The following SMARCD3 variants were observed in gnomAD, a reference collection of about 807,000 sequenced individuals.
The protein encoded by SMARCD3 is SWI/SNF-related matrix-associated actin-dependent regulator of chromatin subfamily D member 3.
A neutral mutation model predicts 58.0 loss-of-function variants in SMARCD3; 14 were observed. The ratio of observed to expected loss-of-function variants is 0.24; its 90% CI spans 0.16 to 0.38. The LOEUF is 0.38. SMARCD3 is among the 10% of genes least tolerant of loss of function. SMARCD3 has a pLI of 1.00. For synonymous variants in SMARCD3, 253 were observed against 253.8 expected, an observed-to-expected ratio of 1.00 and a Z score of 0.03; for missense variants, 408 against 636.9, an observed-to-expected ratio of 0.64 and a Z score of 3.87.
At chr7:151,259,400 T>G (rs372643448) in intron 2 of SMARCD3, among the ~76,000 whole-genome samples, 1 of 143,136 alleles carries the variant, frequency 7.0e-6, no homozygotes, top group African/African-American at 2.8e-5. Flanking sequence ...GGGCTGTGTG[T>G]GTGTGTGTGT....
At chr7:151,265,090 C>G (rs1804040982) in intron 2 of SMARCD3, among the ~76,000 whole-genome samples, 1 of 152,196 alleles carries the variant, frequency 6.6e-6, no homozygotes, top group Non-Finnish European at 1.5e-5. Flanking sequence ...CTGTCAGAGT[C>G]CCCCTGCTAT....
rs923670174 is a variant in SMARCD3 at position 151,241,203 on chromosome 7, C to G, written c.939+289G>C. 2 of 438,826 alleles carry G rather than the reference C, an allele frequency of 4.6e-6. No homozygotes were observed. The highest frequency in any genetic ancestry group is 8.5e-6 in the Non-Finnish European group (2 of 234,592). The allele number at this position is 438,826 out of a possible 1,614,324, so 27.2% of individuals were successfully genotyped here. On this transcript the variant is annotated intron_variant, in intron 8 of 12. Coordinates refer to ENST00000262188, the MANE Select transcript of SMARCD3 (RefSeq NM_001003801.2). The surrounding 1 kb of genome is among the most constrained non-coding windows in gnomAD (Gnocchi z 5.3). Reference sequence around the variant, plus strand: ...CAGGACTAGAACCTGGGGATCCTAACTCCAAGTGCCAAGAATATTACATTC... The same window carrying G: ...CAGGACTAGAACCTGGGGATCCTAAGTCCAAGTGCCAAGAATATTACATTC...
chr7:151,247,504 C>T (rs1803324902), intron 1 of SMARCD3, among the ~76,000 whole-genome samples: 2 of 152,138 alleles, frequency 1.3e-5, no homozygotes, highest in South Asian at 4.1e-4. Flanking sequence ...CCCCAGAGAG[C>T]TGTGCCCGCC....
rs752640287 is a variant in SMARCD3, at chr7:151,239,176, A to C, written c.1399-20T>G. The C allele has an allele frequency of 1.1e-5, 17 of 1,613,670 alleles. No homozygotes were observed. In the South Asian group the frequency reaches 1.9e-4, roughly 18 times the overall value. On this transcript the variant is annotated intron_variant, in intron 12 of 12. Coordinates refer to ENST00000262188, the MANE Select transcript of SMARCD3 (RefSeq NM_001003801.2). The surrounding 1 kb of genome is among the most constrained non-coding windows in gnomAD (Gnocchi z 7.0). ...CTGGATCTTTAGAGGAAGTGAGAAC[A>C]GGAGCAGGTGTCAGTGTTCTGGTGA...
At chr7:151,263,243 C>G (rs967768448) in intron 2 of SMARCD3, among the ~76,000 whole-genome samples, 27 of 151,944 alleles carry the variant, frequency 1.8e-4, no homozygotes, top group Non-Finnish European at 4.4e-5. Context: ...CCAGACACTC[C>G]TGCTAAATGT....
At chr7:151,257,012 T>G (rs186410147) in intron 2 of SMARCD3, among the ~76,000 whole-genome samples, 2 of 152,286 alleles carry the variant, frequency 1.3e-5, no homozygotes. Flanking sequence ...CATGCACAAG[T>G]ACTGTTACAT....
At chr7:151,252,390 A>T (rs1447903242), upstream of SMARCD3, among the ~76,000 whole-genome samples, 1 of 151,932 alleles carries the variant, frequency 6.6e-6, no homozygotes, top group African/African-American at 2.4e-5. Context: ...TTAGGAGAAT[A>T]CGATCACCCT....
chr7:151,239,464 C>T lies in SMARCD3; in HGVS notation c.1330G>A (p.Glu444Lys). ...TGGTGGTAGAACTCAGCCCGGCGCT[C>T]CTCTTCAGGGTTGCCGGCTACATCT... Reference protein sequence around the residue: ...MTDVAGNPEEERRAEFYHQPW... With the variant: ...MTDVAGNPEEKRRAEFYHQPW... Residue 444 changes from glutamate to lysine, a missense_variant, in exon 12 of 13, where the codon GAG becomes AAG. Glu to Lys is a moderately conservative substitution (Grantham distance 56, BLOSUM62 1). Coordinates refer to ENST00000262188, the MANE Select transcript of SMARCD3 (RefSeq NM_001003801.2). This position sits in a 1 kb window ranked among gnomAD's most constrained non-coding sequence, Gnocchi z 7.0. 2 of 1,613,852 alleles carry T rather than the reference C, an allele frequency of 1.2e-6. No homozygotes were observed. Among genetic ancestry groups the T allele is most frequent in the Non-Finnish European group, 1.7e-6 (2 of 1,179,976 alleles).
chr7:151,265,992 C>T lies in SMARCD3; in HGVS notation c.39+9122G>A, dbSNP rs559557530. Among the ~76,000 whole-genome samples, 16 of 152,144 alleles carry T rather than the reference C, an allele frequency of 1.1e-4. 1 individual carries two copies. Among genetic ancestry groups the T allele is most frequent in the African/African-American group, 3.1e-4 (13 of 41,512 alleles). ...TTTTCTTTTCTTTCTTTCTTTGATA[C>T]GGAGTCTCACTCTGTTGCCCAGGCT... On this transcript the variant is annotated intron_variant, in intron 2 of 13. Coordinates refer to the SMARCD3 transcript ENST00000356800.
At chr7:151,266,281 T>C (rs566699293) in intron 2 of SMARCD3, among the ~76,000 whole-genome samples, 1 of 152,088 alleles carries the variant, frequency 6.6e-6, no homozygotes, top group Admixed American at 6.5e-5. Flanking sequence ...TTTTTTTTTT[T>C]CTACTCTACG....
At chr7:151,252,356 A>C (rs773327810), upstream of SMARCD3, among the ~76,000 whole-genome samples, 2 of 152,022 alleles carry the variant, frequency 1.3e-5, no homozygotes, top group Non-Finnish European at 2.9e-5. Context: ...CCTTTTCCCT[A>C]CACCCCCAGC....
Position 151,239,218 on chromosome 7 carries a change from C to T in SMARCD3, c.1399-62G>A, listed in dbSNP as rs1584859752. The stretch of plus-strand genomic sequence containing the variant: ...TTCTGGTGAGTGATCAGGACAATCC[C>T]ACCTACTGACACCGCCTGCCCTGAA... On this transcript the variant is annotated intron_variant, in intron 12 of 12. Transcript: ENST00000262188. The surrounding 1 kb of genome is among the most constrained non-coding windows in gnomAD (Gnocchi z 7.0). The T allele has an allele frequency of 1.3e-6, 2 of 1,530,598 alleles. No individual in the cohort carries two copies. The highest frequency in any genetic ancestry group is 2.7e-5 in the African/African-American group (2 of 73,246). The allele number at this position is 1,530,598 out of a possible 1,614,324, so 94.8% of individuals were successfully genotyped here.
At chr7:151,252,522 C>T (rs1164104182), upstream of SMARCD3, among the ~76,000 whole-genome samples, 1 of 152,022 alleles carries the variant, frequency 6.6e-6, no homozygotes, top group Non-Finnish European at 1.5e-5. Context: ...GACCACTTGG[C>T]GCTGTGAGGA....
intron 2 of SMARCD3, among the ~76,000 whole-genome samples, chr7:151,273,607 G>A (rs1795245500): frequency 6.6e-6 from 1 of 152,220 alleles, no homozygotes; most frequent in Non-Finnish European, 1.5e-5. Context: ...CACAAACTGA[G>A]CAACCAGTCC....
In SMARCD3 at chr7:151,241,398, G is replaced by T; in HGVS notation, c.939+94C>A. 9.4e-7 allele frequency: 1 copy of T among 1,066,418 alleles called. No homozygotes were observed. The highest frequency in any genetic ancestry group is 1.4e-6 in the Non-Finnish European group (1 of 704,896). The allele number at this position is 1,066,418 out of a possible 1,614,324, so 66.1% of individuals were successfully genotyped here. On this transcript the variant is annotated intron_variant, in intron 8 of 12. Coordinates refer to ENST00000262188, the MANE Select transcript of SMARCD3 (RefSeq NM_001003801.2). This position sits in a 1 kb window ranked among gnomAD's most constrained non-coding sequence, Gnocchi z 5.3. ...ACTGCTTCTGCTACTCAGGAATCTA[G>T]AAGGGAGGGGTGGTAGTTACCTTGG...
intron 2 of SMARCD3, among the ~76,000 whole-genome samples, chr7:151,261,291 G>A (rs891331231): frequency 6.6e-6 from 1 of 152,166 alleles, no homozygotes; most frequent in African/African-American, 2.4e-5. Context: ...GAGCATCCTT[G>A]GCCTCTATCC....
chr7:151,247,292 T>C, intron 1 of SMARCD3, among the ~76,000 whole-genome samples: 1 of 145,440 alleles, frequency 6.9e-6, no homozygotes, highest in Non-Finnish European at 1.5e-5. Flanking sequence ...TTAAAGGGGC[T>C]CCCACCAGCA....
At chr7:151,240,578 C>T (rs1254660573) in intron 8 of SMARCD3, 56 bp from the exon 9 acceptor site, 10 of 1,274,394 alleles carry the variant, frequency 7.8e-6, no homozygotes, top group Non-Finnish European at 7.9e-6. Context: ...GATCATCATG[C>T]AGTTGTAGAT....
upstream of SMARCD3, among the ~76,000 whole-genome samples, chr7:151,251,724 C>A (rs1261836785): frequency 6.6e-6 from 1 of 151,922 alleles, no homozygotes; most frequent in Non-Finnish European, 1.5e-5. Flanking sequence ...GGCGGCCGCC[C>A]GGCGCCCGGC....
Sources: gnomAD v4.1 joint callset for allele counts (sites outside exome capture counted in the v4.1 genomes callset) on GRCh38, gnomAD v4.1.1 for gene constraint, Gnocchi (gnomAD v3.1) non-coding constraint, MANE v1.5 for transcripts, NCBI Gene and HGNC (gene_info 2026-07-23, HGNC 2026-07-21) for gene names.